MDH2: variants seen among roughly 807,000 people sequenced by gnomAD.
The protein encoded by MDH2 is malate dehydrogenase, mitochondrial.
A neutral mutation model predicts 33.6 loss-of-function variants in MDH2; 25 were observed. The ratio of observed to expected loss-of-function variants is 0.74; its 90% CI spans 0.54 to 1.04. MDH2 has a LOEUF of 1.04. Ranked by LOEUF, MDH2 falls within the 50% of genes least tolerant of loss-of-function variation. The pLI is 0.00. For missense variants in MDH2, 432 were observed against 445.0 expected, an observed-to-expected ratio of 0.97 and a Z score of 0.26; for synonymous variants, 193 against 188.7, an observed-to-expected ratio of 1.02 and a Z score of -0.19.
intron 1 of MDH2, among the ~76,000 whole-genome samples, chr7:76,052,590 C>T (rs1199214951): frequency 7.1e-6 from 1 of 140,816 alleles, no homozygotes; most frequent in Non-Finnish European, 1.5e-5. Context: ...TTGAGATAGA[C>T]TGTTGGTCTG....
chr7:76,059,884 T>C (rs1191531529), intron 4 of MDH2, among the ~76,000 whole-genome samples: 1 of 152,138 alleles, frequency 6.6e-6, no homozygotes, highest in African/African-American at 2.4e-5. Flanking sequence ...TGTGAAGTCA[T>C]TTAGTATTTA....
chr7:76,065,680 G>T (rs1798076485), intron 8 of MDH2, among the ~76,000 whole-genome samples: 1 of 152,230 alleles, frequency 6.6e-6, no homozygotes, highest in Non-Finnish European at 1.5e-5. Flanking sequence ...TTGAGCCAGG[G>T]GAAGCAGTAG....
intron 4 of MDH2, among the ~76,000 whole-genome samples, chr7:76,059,193 C>T (rs554551012): frequency 3.3e-4 from 51 of 152,360 alleles, no homozygotes; most frequent in Non-Finnish European, 6.0e-4. Flanking sequence ...ATCCTCCCGC[C>T]TCACTCTCCC....
intron 5 of MDH2, among the ~76,000 whole-genome samples, chr7:76,062,562 G>A (rs1047537476): frequency 7.2e-5 from 11 of 152,208 alleles, no homozygotes; most frequent in Admixed American, 5.2e-4. Flanking sequence ...ATGGCCATCG[G>A]GGCAGGTGGC....
intron 1 of MDH2, among the ~76,000 whole-genome samples, chr7:76,053,432 G>T (rs1221751874): frequency 6.6e-6 from 1 of 152,206 alleles, no homozygotes; most frequent in Non-Finnish European, 1.5e-5. Flanking sequence ...GGGTCTGACA[G>T]GTTCAAGTTT....
chr7:76,060,307 C>T, intron 4 of MDH2, 66 bp from the exon 5 acceptor site: 1 of 1,586,966 alleles, frequency 6.3e-7, no homozygotes, highest in Non-Finnish European at 8.6e-7. Context: ...AAGCCCTTTT[C>T]CTGCTGTGGC....
chr7:76,052,254 G>A (rs2116652120), intron 1 of MDH2, among the ~76,000 whole-genome samples: 1 of 152,174 alleles, frequency 6.6e-6, no homozygotes, highest in African/African-American at 2.4e-5. Context: ...TCAGAAGTTT[G>A]AGACCAGCCT....
rs1402904527 is a variant in MDH2 at position 76,067,483 on chromosome 7, T to C, written c.*1073T>C. On this transcript the variant is annotated 3_prime_UTR_variant, in exon 9 of 9. Transcript: ENST00000315758. ...TAAAACCCAAAAAGCAGCTAAAAAA[T>C]AAAGCGGGAAAGGAACTACTGGTAA... 6.6e-6 allele frequency: 1 copy of C among 152,174 alleles called. No homozygotes were observed. Among genetic ancestry groups the C allele is most frequent in the Non-Finnish European group, 1.5e-5 (1 of 68,022 alleles). The allele number at this position is 152,174 out of a possible 1,614,324, so 9.4% of individuals were successfully genotyped here. A position where few individuals can be genotyped will look rare whatever the true frequency, so the allele number is the denominator to read the frequency against.
intron 2 of MDH2, among the ~76,000 whole-genome samples, chr7:76,056,193 A>G (rs1294068499): frequency 3.3e-5 from 5 of 152,168 alleles, no homozygotes; most frequent in African/African-American, 1.2e-4. Context: ...GCTGTTGACC[A>G]TTGGCTGTTT....
chr7:76,063,201 C>T (rs1797999815), intron 5 of MDH2, among the ~76,000 whole-genome samples: 1 of 152,196 alleles, frequency 6.6e-6, no homozygotes, highest in Admixed American at 6.5e-5. Flanking sequence ...CGGGGGGGGC[C>T]TCCACAGGAG....
chr7:76,060,847 G>C (rs979018948), intron 5 of MDH2, among the ~76,000 whole-genome samples: 2 of 151,884 alleles, frequency 1.3e-5, no homozygotes, highest in Non-Finnish European at 2.9e-5. Context: ...CTGAAAACTG[G>C]TCCTGGGAGG....
chr7:76,049,977 G>A (rs528927566), intron 1 of MDH2, among the ~76,000 whole-genome samples: 15 of 152,102 alleles, frequency 9.9e-5, no homozygotes, highest in African/African-American at 2.2e-4. Context: ...GACTACAGGC[G>A]CGCACCACCG....
At chr7:76,051,648 G>A (rs560807814) in intron 1 of MDH2, among the ~76,000 whole-genome samples, 31 of 152,278 alleles carry the variant, frequency 2.0e-4, no homozygotes, top group Middle Eastern at 3.4e-3. Context: ...CAGTAAAAGC[G>A]TAGGAAGCAC....
intron 1 of MDH2, among the ~76,000 whole-genome samples, chr7:76,053,508 T>A (rs6976174): frequency 6.6e-6 from 1 of 152,046 alleles, no homozygotes; most frequent in African/African-American, 2.4e-5. Context: ...TGAATTCAAA[T>A]GTTGGTTGTA....
intron 1 of MDH2, chr7:76,049,129 T>C (rs1162265114): frequency 3.0e-6 from 3 of 984,116 alleles, no homozygotes; most frequent in Admixed American, 6.2e-5. Flanking sequence ...TCATCGAAGT[T>C]CTCGAGTTTC....
At chr7:76,048,701 G>GT (rs1797429694) in intron 1 of MDH2, 2 of 1,240,040 alleles carry the variant, frequency 1.6e-6, no homozygotes, top group South Asian at 3.8e-5. Context: ...CTGGGCCAGG[G>GT]TTACAGTCAT....
chr7:76,067,422 ATCGTTT>A lies in MDH2; in HGVS notation c.*1015_*1020del, dbSNP rs1554588124. On this transcript the variant is annotated 3_prime_UTR_variant, in exon 9 of 9. Transcript: ENST00000315758. ...AATGGATTTTATCATAAAGGATGACATCGTTTTCTTCTACAATTAATACATGTTCAT... is the reference window on the plus strand; with the variant it reads ...AATGGATTTTATCATAAAGGATGACATCTTCTACAATTAATACATGTTCAT... 1 of 152,248 alleles carries A rather than the reference ATCGTTT, an allele frequency of 6.6e-6. No homozygotes were observed. Among genetic ancestry groups the A allele is most frequent in the Non-Finnish European group, 1.5e-5 (1 of 68,042 alleles). 9.4% of individuals were successfully genotyped at this position (152,248 alleles called of 1,614,324 possible).
chr7:76,063,254 A>G (rs1798001490), intron 5 of MDH2, among the ~76,000 whole-genome samples: 1 of 152,128 alleles, frequency 6.6e-6, no homozygotes, highest in Admixed American at 6.5e-5. Flanking sequence ...ACAAATGCTC[A>G]CTATGAAGGA....
Position 76,050,408 on chromosome 7 carries a change from A to G in MDH2, c.66+2182A>G, listed in dbSNP as rs556923421. On this transcript the variant is annotated intron_variant, in intron 1 of 8. Transcript: ENST00000315758. ...TGAGTAAAGTCTGAAGGAAGCAGAG[A>G]TCACATCATATGGAAAGAGTATTGC... Among the ~76,000 whole-genome samples, 13 of 152,336 alleles carry G rather than the reference A, an allele frequency of 8.5e-5. No individual in the cohort carries two copies. The South Asian group carries it at 2.7e-3, about 32-fold the overall frequency.
Sources: gnomAD v4.1 joint callset for allele counts (sites outside exome capture counted in the v4.1 genomes callset) on GRCh38, gnomAD v4.1.1 for gene constraint, MANE v1.5 for transcripts, NCBI Gene and HGNC (gene_info 2026-07-23, HGNC 2026-07-21) for gene names.